Variants in ASIC2 observed in about 807,000 individuals in gnomAD.
The protein encoded by ASIC2 is acid-sensing ion channel 2.
A neutral mutation model predicts 57.3 loss-of-function variants in ASIC2; 25 were observed. The ratio of observed to expected loss-of-function variants is 0.44; its 90% CI spans 0.32 to 0.61. ASIC2 has a LOEUF of 0.61. Ranked by LOEUF, ASIC2 falls within the 20% of genes least tolerant of loss-of-function variation. ASIC2 has a pLI of 0.06. For synonymous variants in ASIC2, 319 were observed against 307.5 expected (o/e 1.04, Z -0.39); for missense variants, 641 against 738.1 (o/e 0.87, Z 1.52).
intron 1 of ASIC2, among the ~76,000 whole-genome samples, chr17:33,452,136 A>G (rs1247571005): frequency 1.3e-5 from 2 of 152,218 alleles, no homozygotes; most frequent in African/African-American, 2.4e-5. Flanking sequence ...CTGACTGCCA[A>G]CCTAAGGTGA....
At chr17:33,420,841 A>T (rs1484830508) in intron 1 of ASIC2, among the ~76,000 whole-genome samples, 1 of 152,250 alleles carries the variant, frequency 6.6e-6, no homozygotes, top group Admixed American at 6.5e-5. Context: ...GCCATGCCAC[A>T]GGATGAATTA....
chr17:33,612,291 A>G (rs143008468), intron 1 of ASIC2, among the ~76,000 whole-genome samples: 1 of 152,310 alleles, frequency 6.6e-6, no homozygotes, highest in East Asian at 1.9e-4. Context: ...GACACAAAAA[A>G]TTGGTCATCA....
At chr17:33,061,324 T>G (rs1447332969) in intron 3 of ASIC2, among the ~76,000 whole-genome samples, 4 of 152,118 alleles carry the variant, frequency 2.6e-5, no homozygotes, top group Non-Finnish European at 4.4e-5. Flanking sequence ...TTATTATTTT[T>G]AGATATGTTG....
At chr17:33,992,598 G>A (rs1007308583) in intron 1 of ASIC2, among the ~76,000 whole-genome samples, 11 of 152,144 alleles carry the variant, frequency 7.2e-5, no homozygotes, top group South Asian at 2.1e-4. Context: ...ACATTGGCTC[G>A]CAAAAGCCAA....
intron 1 of ASIC2, among the ~76,000 whole-genome samples, chr17:33,918,075 A>G (rs1233233282): frequency 6.6e-6 from 1 of 152,174 alleles, no homozygotes; most frequent in Non-Finnish European, 1.5e-5. Flanking sequence ...TTAAGTAAGG[A>G]TGGACGACAT....
At chr17:34,113,660 T>C (rs776163802) in intron 1 of ASIC2, among the ~76,000 whole-genome samples, 30 of 151,828 alleles carry the variant, frequency 2.0e-4, no homozygotes, top group Non-Finnish European at 4.3e-4. Flanking sequence ...GGAGGATCGC[T>C]TGAGCTCAGG....
At chr17:33,168,402 A>G (rs571028687) in intron 1 of ASIC2, among the ~76,000 whole-genome samples, 131 of 152,304 alleles carry the variant, frequency 8.6e-4, no homozygotes, top group Non-Finnish European at 1.1e-3. Flanking sequence ...AGCAGTAAGG[A>G]AGATTCTGGT....
intron 3 of ASIC2, 133 bp downstream of exon 3, chr17:33,088,730 G>T: frequency 8.4e-6 from 11 of 1,311,374 alleles, no homozygotes; most frequent in Non-Finnish European, 1.1e-5. Flanking sequence ...GGTGACGAAG[G>T]TTAGCCAACA....
intron 1 of ASIC2, among the ~76,000 whole-genome samples, chr17:33,876,837 T>C (rs1181062858): frequency 1.3e-5 from 2 of 152,192 alleles, no homozygotes; most frequent in Non-Finnish European, 2.9e-5. Flanking sequence ...GCTGAGAACT[T>C]CAGCTTCCCT....
At position 33,319,782 on chromosome 17, in the gene ASIC2, C is replaced by T. The variant is rs114902425; in HGVS notation, c.556-207715G>A. On this transcript the variant is annotated intron_variant, in intron 1 of 9. Transcript: ENST00000359872. ...CTTCTGGGCTCAAGCAATTTACCCT[C>T]CTCGGCCTCCCAAAGTGCTGGGATT... Among the ~76,000 whole-genome samples, 649 of 152,318 alleles carry T rather than the reference C, an allele frequency of 4.3e-3. 6 individuals are homozygous for T. Among genetic ancestry groups the T allele is most frequent in the African/African-American group, 0.015 (611 of 41,566 alleles).
chr17:33,766,082 T>C (rs1490092414), intron 1 of ASIC2, among the ~76,000 whole-genome samples: 1 of 152,214 alleles, frequency 6.6e-6, no homozygotes, highest in Non-Finnish European at 1.5e-5. Context: ...TTGCTTTCTA[T>C]GGTTTTGGTT....
chr17:33,815,185 C>T (rs766990211), intron 1 of ASIC2, among the ~76,000 whole-genome samples: 1 of 152,282 alleles, frequency 6.6e-6, no homozygotes, highest in East Asian at 1.9e-4. Context: ...TTCTCAGTTT[C>T]CCATAGTGGG....
intron 2 of ASIC2, among the ~76,000 whole-genome samples, chr17:33,101,466 C>A (rs1202983155): frequency 6.6e-6 from 1 of 152,172 alleles, no homozygotes. Flanking sequence ...TCAGAAGCAA[C>A]AACTTTCAAC....
intron 1 of ASIC2, among the ~76,000 whole-genome samples, chr17:34,101,201 G>C (rs1910851479): frequency 6.6e-6 from 1 of 152,204 alleles, no homozygotes; most frequent in South Asian, 2.1e-4. Context: ...GTAAATGGCT[G>C]TTGAGCATCC....
chr17:33,912,481 AAAACAAAC>A (rs376754849), intron 1 of ASIC2, among the ~76,000 whole-genome samples: 6 of 151,838 alleles, frequency 4.0e-5, no homozygotes, highest in African/African-American at 7.3e-5. Context: ...CCTCCATCTC[AAAACAAAC>A]AAACAAACAA....
intron 1 of ASIC2, among the ~76,000 whole-genome samples, chr17:34,109,102 A>G (rs1598031153): frequency 6.6e-6 from 1 of 150,846 alleles, no homozygotes; most frequent in East Asian, 1.9e-4. Flanking sequence ...TATTTTGTCT[A>G]TTTTCAACCT....
intron 1 of ASIC2, among the ~76,000 whole-genome samples, chr17:33,454,859 T>C (rs1373047400): frequency 6.6e-6 from 1 of 152,226 alleles, no homozygotes; most frequent in African/African-American, 2.4e-5. Flanking sequence ...AGGCACTCCC[T>C]GCAACCTCTT....
chr17:33,462,911 G>T (rs1371112815), intron 1 of ASIC2, among the ~76,000 whole-genome samples: 1 of 152,202 alleles, frequency 6.6e-6, no homozygotes, highest in Admixed American at 6.5e-5. Context: ...TGAGAGAGGT[G>T]ATGGAGCTTT....
At chr17:33,146,242 G>A (rs1904557869) in intron 1 of ASIC2, among the ~76,000 whole-genome samples, 1 of 152,204 alleles carries the variant, frequency 6.6e-6, no homozygotes, top group Admixed American at 6.5e-5. Context: ...GAATGAATGA[G>A]CAACTAAATG....
Sources: allele counts gnomAD v4.1 joint callset (sites outside exome capture counted in the v4.1 genomes callset), GRCh38; gene constraint gnomAD v4.1.1; transcripts MANE v1.5; gene names NCBI Gene and HGNC (gene_info 2026-07-23, HGNC 2026-07-21).